The following ANXA1 variants were observed in gnomAD, a reference collection of about 807,000 sequenced individuals.
The protein encoded by ANXA1 is annexin A1, also known as annexin I (lipocortin I).
ANXA1 carries 39 observed loss-of-function variants against 47.9 expected under a neutral mutation model. That is an observed-to-expected ratio of 0.81 (90% confidence interval 0.63 to 1.06). The LOEUF (loss-of-function observed/expected upper bound fraction) is 1.06, where lower values mean the gene tolerates loss of function less well. Ranked by LOEUF, ANXA1 falls within the 50% of genes least tolerant of loss-of-function variation. The pLI, the probability that ANXA1 is intolerant of heterozygous loss-of-function variation, is 0.00. For synonymous variants in ANXA1, 146 were observed against 142.5 expected, an observed-to-expected ratio of 1.02 and a Z score of -0.17; for missense variants, 446 against 422.7, an observed-to-expected ratio of 1.06 and a Z score of -0.48.
In ANXA1 at chr9:73,163,485, T is replaced by C. The variant is rs777436816; in HGVS notation, c.565T>C (p.Ser189Pro). The C allele has an allele frequency of 6.2e-7, 1 of 1,612,942 alleles. No homozygotes were observed. ...ATGGGATTTCTTTCAGGGTGACCGA[T>C]CTGAGGACTTTGGTGTGAATGAAGA... is the stretch of plus-strand genomic sequence containing the variant. Reference protein sequence around the residue: ...ALLSLAKGDRSEDFGVNEDLA... With the variant: ...ALLSLAKGDRPEDFGVNEDLA... The change falls in exon 8 of 13, where the codon TCT becomes CCT. Residue 189 changes from serine to proline, a missense_variant. Physicochemically the swap from Ser to Pro is moderately conservative, Grantham distance 74. Coordinates refer to ENST00000257497, the MANE Select transcript of ANXA1 (RefSeq NM_000700.3).
chr9:73,168,018 T>A (rs975870890), intron 11 of ANXA1: 7 of 155,708 alleles, frequency 4.5e-5, no homozygotes, highest in Admixed American at 3.1e-4. Flanking sequence ...GTATTTGAGA[T>A]CAACTATGTC....
chr9:73,154,939 C>G (rs1230021882), intron 1 of ANXA1, among the ~76,000 whole-genome samples: 1 of 152,024 alleles, frequency 6.6e-6, no homozygotes, highest in African/African-American at 2.4e-5. Flanking sequence ...AGATTGTAAC[C>G]AGGAAGATAC....
intron 5 of ANXA1, 70 bp from the exon 6 acceptor site, chr9:73,160,733 C>A: frequency 8.2e-7 from 1 of 1,224,148 alleles, no homozygotes; most frequent in East Asian, 2.4e-5. Flanking sequence ...TTTGGAACAC[C>A]AAAAACTCAT....
intron 11 of ANXA1, 59 bp from the exon 12 acceptor site, chr9:73,168,973 T>C: frequency 6.5e-7 from 1 of 1,531,768 alleles, no homozygotes; most frequent in South Asian, 1.3e-5. Context: ...TTAAAATTCA[T>C]GTTTTTAATG....
At chr9:73,162,982 T>C (rs1231691805) in intron 7 of ANXA1, 121 bp downstream of exon 7, 3 of 807,914 alleles carry the variant, frequency 3.7e-6, no homozygotes, top group East Asian at 5.4e-5. Context: ...AAAAGGTTTA[T>C]TTGGCTCAGG....
chr9:73,155,166 AT>A (rs1332485288), intron 1 of ANXA1, among the ~76,000 whole-genome samples: 1 of 152,194 alleles, frequency 6.6e-6, no homozygotes, highest in Admixed American at 6.5e-5. Context: ...ATTAGAAGAA[AT>A]GTGAAATATT....
intron 7 of ANXA1, among the ~76,000 whole-genome samples, 160 bp downstream of exon 7, chr9:73,163,021 G>A (rs1295214967): frequency 6.6e-6 from 1 of 152,052 alleles, no homozygotes; most frequent in East Asian, 1.9e-4. Context: ...TTCAAGTTTG[G>A]GTATCTATGT....
intron 8 of ANXA1, among the ~76,000 whole-genome samples, chr9:73,164,214 T>G (rs976785578): frequency 2.6e-5 from 4 of 152,164 alleles, no homozygotes; most frequent in African/African-American, 9.6e-5. Context: ...TAGAGATTTC[T>G]TTGTGCACCC....
chr9:73,167,739 T>C (rs1981288), intron 11 of ANXA1, 184 bp downstream of exon 11: 317,462 of 542,134 alleles, frequency 0.59, 97,086 homozygotes, highest in African/African-American at 0.67. Context: ...GATTCGGTGC[T>C]TTTTTTTACA....
rs564551482 is a variant in ANXA1 at position 73,162,840 on chromosome 9, C to T, written c.534C>T (p.Asn178=). The T allele has an allele frequency of 2.7e-5, 44 of 1,612,814 alleles. No homozygotes were observed. The East Asian group carries it at 6.0e-4, about 22-fold the overall frequency. The change falls in exon 7 of 13, where the codon AAC becomes AAT. Residue 178 remains asparagine, a synonymous_variant. Coordinates refer to ENST00000257497, the MANE Select transcript of ANXA1 (RefSeq NM_000700.3). ...CAGACACATCTGGAGATTTTCGGAA[C>T]GCTTTGCTTTCTCTTGCTAAGGTAC... ...ITSDTSGDFR[N]ALLSLAKGDR...
At position 73,160,724 on chromosome 9, in the gene ANXA1, T is replaced by A. The variant is rs1018986074; in HGVS notation, c.385-79T>A. On this transcript the variant is annotated intron_variant, in intron 5 of 12. Transcript: ENST00000257497. Reference sequence around the variant, plus strand: ...ACTAAATGACAGAGTCAAACAAATTTTGGAACACCAAAAACTCATTGATCC... The same window carrying A: ...ACTAAATGACAGAGTCAAACAAATTATGGAACACCAAAAACTCATTGATCC... 17 of 1,037,516 alleles carry A rather than the reference T, an allele frequency of 1.6e-5. No homozygotes were observed. In the African/African-American group the frequency reaches 2.7e-4, roughly 17 times the overall value. The allele number at this position is 1,037,516 out of a possible 1,614,324, so 64.3% of individuals were successfully genotyped here. A position where few individuals can be genotyped will look rare whatever the true frequency, so the allele number is the denominator to read the frequency against.
rs1588220425 is a variant in ANXA1 at position 73,160,786 on chromosome 9, C to T, written c.385-17C>T. On this transcript the variant is annotated splice_polypyrimidine_tract_variant and intron_variant, in intron 5 of 12. Coordinates refer to ENST00000257497, the MANE Select transcript of ANXA1 (RefSeq NM_000700.3). The stretch of plus-strand genomic sequence containing the variant: ...GATTTTTTTCTACATTTATCCTTTT[C>T]TTCTCTTCAAATTTAGGGCCTTGGA... 2.5e-6 allele frequency: 4 copies of T among 1,586,024 alleles called. No individual in the cohort carries two copies. The highest frequency in any genetic ancestry group is 4.5e-5 in the East Asian group (2 of 44,648).
In ANXA1 at chr9:73,162,519, C is replaced by T. The variant is rs115798462; in HGVS notation, c.476-263C>T. 5.0e-3 allele frequency among the ~76,000 whole-genome samples: 755 copies of T among 152,164 alleles called. 5 individuals carry two copies. Among genetic ancestry groups the T allele is most frequent in the African/African-American group, 0.016 (682 of 41,506 alleles). On this transcript the variant is annotated intron_variant, in intron 6 of 12. Transcript: ENST00000257497. The stretch of plus-strand genomic sequence containing the variant: ...GTATACCTATACAATTTATTCTTAA[C>T]GAAAGCTTTATGACTGTGAGTTTTC...
At chr9:73,165,552 A>C (rs886614484) in intron 9 of ANXA1, 4 of 168,624 alleles carry the variant, frequency 2.4e-5, no homozygotes, top group Non-Finnish European at 5.0e-5. Flanking sequence ...AAAACAAAAA[A>C]CCCTCAGAGC....
chr9:73,168,918 T>TGTGTGTGTG, intron 11 of ANXA1, 114 bp from the exon 12 acceptor site: 1 of 905,290 alleles, frequency 1.1e-6, no homozygotes. Flanking sequence ...TGTGTATAGC[T>TGTGTGTGTG]AGTTTCTCTA....
rs763520419 is a variant in ANXA1 at position 73,165,076 on chromosome 9, C to T, written c.613-40C>T. 3.4e-5 allele frequency: 51 copies of T among 1,495,556 alleles called. No homozygotes were observed. The South Asian group carries it at 4.1e-4, about 12-fold the overall frequency. 92.6% of individuals were successfully genotyped at this position (1,495,556 alleles called of 1,614,324 possible). A position where few individuals can be genotyped will look rare whatever the true frequency, so the allele number is the denominator to read the frequency against. On this transcript the variant is annotated intron_variant, in intron 8 of 12. Coordinates refer to ENST00000257497, the MANE Select transcript of ANXA1 (RefSeq NM_000700.3). ...TAACATTATTGTGCAGATATCATTT[C>T]AGCAGATAGTGAAGTGTTTACTTTT...
At chr9:73,154,308 C>T (rs144510163) in intron 1 of ANXA1, 25 of 1,365,998 alleles carry the variant, frequency 1.8e-5, no homozygotes, top group East Asian at 1.8e-4. Context: ...CTACGGTCTG[C>T]GCAAGTTGAC....
chr9:73,164,133 C>A (rs1195383006), intron 8 of ANXA1, among the ~76,000 whole-genome samples: 1 of 152,002 alleles, frequency 6.6e-6, no homozygotes, highest in Non-Finnish European at 1.5e-5. Flanking sequence ...AAACAAACAA[C>A]TAATATTTGC....
chr9:73,162,964 T>A, intron 7 of ANXA1, 103 bp downstream of exon 7: 1 of 973,838 alleles, frequency 1.0e-6, no homozygotes, highest in Non-Finnish European at 1.5e-6. Flanking sequence ...AGGTAATTTT[T>A]AAAGATAAAA....
Sources: gnomAD v4.1 joint callset for allele counts (sites outside exome capture counted in the v4.1 genomes callset) on GRCh38, gnomAD v4.1.1 for gene constraint, MANE v1.5 for transcripts, NCBI Gene and HGNC (gene_info 2026-07-23, HGNC 2026-07-21) for gene names.